Variants in SHROOM2 observed in about 807,000 individuals in gnomAD.
The protein encoded by SHROOM2 is shroom family member 2, also known as protein Shroom2.
Under a neutral mutation model 75.9 loss-of-function variants are expected in SHROOM2, and 33 were observed. The observed-to-expected ratio is 0.43, with a 90% CI of 0.33 to 0.58. The LOEUF (loss-of-function observed/expected upper bound fraction) is 0.58, where lower values mean the gene tolerates loss of function less well. Ranked by LOEUF, SHROOM2 falls within the 20% of genes least tolerant of loss-of-function variation. The pLI is 0.04. For synonymous variants in SHROOM2, 655 were observed against 663.6 expected (o/e 0.99, Z 0.20); for missense variants, 1,434 against 1,461.2 (o/e 0.98, Z 0.30).
At chrX:9,830,673 C>G (rs1569144266) in intron 1 of SHROOM2, among the ~76,000 whole-genome samples, 1 of 96,622 alleles carries the variant, frequency 1.0e-5, no homozygotes, top group South Asian at 6.2e-4. Context: ...GCGATCTTGG[C>G]TCACCACAAC....
chrX:9,787,992 C>CTTTTTTTTTTTTT, intron 1 of SHROOM2, among the ~76,000 whole-genome samples: 2 of 84,222 alleles, frequency 2.4e-5, no homozygotes, highest in African/African-American at 8.4e-5. Context: ...TTTCTTTCTT[C>CTTTTTTTTTTTTT]TTTTTTTTTT....
At position 9,896,651 on chromosome X, in the gene SHROOM2, G is replaced by A. The variant is rs774612083; in HGVS notation, c.2743G>A (p.Val915Ile). 49 of 1,201,991 alleles carry A rather than the reference G, an allele frequency of 4.1e-5. 1 individual carries two copies. Among genetic ancestry groups the A allele is most frequent in the South Asian group, 2.2e-4 (12 of 55,242 alleles). The change falls in exon 4 of 10, where the codon GTT (valine) becomes ATT (isoleucine). Residue 915 changes from valine (V) to isoleucine (I), a missense_variant. Physicochemically the swap from Val to Ile is conservative, Grantham distance 29 (BLOSUM62 3). This residue lies in a region of SHROOM2 where 1,340 missense variants were observed against 1,338.3 expected (regional missense o/e 1.00). Transcript: ENST00000380913. The part of the protein sequence containing the change: ...SLDPQERPQH[V>I]HGRSRSSPST... Reference sequence around the variant, plus strand: ...GGACCCACAGGAGAGGCCGCAGCACGTTCATGGGAGGTCCCGGTCTTCACC... The same window carrying A: ...GGACCCACAGGAGAGGCCGCAGCACATTCATGGGAGGTCCCGGTCTTCACC...
chrX:9,848,598 C>T (rs1360504126), intron 1 of SHROOM2, among the ~76,000 whole-genome samples: 2 of 106,577 alleles, frequency 1.9e-5, no homozygotes, highest in African/African-American at 6.8e-5. Flanking sequence ...TCTCTTTATA[C>T]GGGGATGTGA....
chrX:9,851,506 A>T (rs1021877380), intron 1 of SHROOM2, among the ~76,000 whole-genome samples: 1 of 84,714 alleles, frequency 1.2e-5, no homozygotes, highest in Non-Finnish European at 2.2e-5. Flanking sequence ...GCTGGAGTGC[A>T]ATGGCGTGAT....
intron 1 of SHROOM2, among the ~76,000 whole-genome samples, chrX:9,864,750 G>A (rs976132380): frequency 9.3e-6 from 1 of 108,048 alleles, no homozygotes; most frequent in African/African-American, 3.3e-5. Flanking sequence ...GCGTGAACCC[G>A]GGAGGCGGAG....
intron 1 of SHROOM2, among the ~76,000 whole-genome samples, chrX:9,799,978 A>C (rs372704494): frequency 1.8e-5 from 2 of 110,992 alleles, no homozygotes; most frequent in East Asian, 2.8e-4. Context: ...TGAATTTCTA[A>C]TCTTGATCAT....
In SHROOM2 at chrX:9,932,622, C is replaced by T; in HGVS notation, c.3339C>T (p.His1113=). The T allele has an allele frequency of 8.3e-7, 1 of 1,211,410 alleles. No individual in the cohort carries two copies. Among genetic ancestry groups the T allele is most frequent in the Non-Finnish European group, 1.1e-6 (1 of 895,167 alleles). Residue 1113 remains histidine (H), a synonymous_variant, in exon 6 of 10, where the codon CAC becomes CAT. Transcript: ENST00000380913. Reference sequence around the variant, plus strand: ...ATGTGGCCCGCCTGTCCCTCTCCCACAGCCCCTCTGTGTTCAGCAGTGCCC... The same window carrying T: ...ATGTGGCCCGCCTGTCCCTCTCCCATAGCCCCTCTGTGTTCAGCAGTGCCC... ...DVYVARLSLS[H]SPSVFSSAQP...
At chrX:9,814,341 C>G (rs1376849687) in intron 1 of SHROOM2, among the ~76,000 whole-genome samples, 1 of 111,928 alleles carries the variant, frequency 8.9e-6, no homozygotes, top group African/African-American at 3.2e-5. Context: ...TCAGCCTGAT[C>G]CAACTCTGTG....
chrX:9,849,255 G>A (rs910858519), intron 1 of SHROOM2, among the ~76,000 whole-genome samples: 3 of 111,825 alleles, frequency 2.7e-5, no homozygotes, highest in Non-Finnish European at 1.9e-5. Context: ...AGCAGGCGCC[G>A]GCTGGCAGGA....
intron 5 of SHROOM2, among the ~76,000 whole-genome samples, chrX:9,916,966 C>A (rs1221835406): frequency 1.8e-5 from 2 of 111,944 alleles, no homozygotes; most frequent in African/African-American, 6.5e-5. Flanking sequence ...TTGGTGGCTA[C>A]TGGCTTCTGT....
At chrX:9,884,061 C>T (rs141218958) in intron 2 of SHROOM2, among the ~76,000 whole-genome samples, 1,974 of 111,787 alleles carry the variant, frequency 0.018, 52 homozygotes, top group African/African-American at 0.061. Flanking sequence ...TCCCACAAAA[C>T]GTTCCTCAGC....
chrX:9,842,841 T>C (rs2083986498), intron 1 of SHROOM2, among the ~76,000 whole-genome samples: 1 of 111,367 alleles, frequency 9.0e-6, no homozygotes, highest in Non-Finnish European at 1.9e-5. Flanking sequence ...CCTCCCCTCT[T>C]GCTTGGGGTT....
chrX:9,926,172 G>A (rs1381631267), intron 5 of SHROOM2, among the ~76,000 whole-genome samples: 2 of 111,904 alleles, frequency 1.8e-5, no homozygotes, highest in Non-Finnish European at 3.8e-5. Context: ...TGATCAGCTT[G>A]TACAGGAGAG....
intron 1 of SHROOM2, among the ~76,000 whole-genome samples, chrX:9,856,749 A>T (rs2084072637): frequency 8.9e-6 from 1 of 111,802 alleles, no homozygotes; most frequent in East Asian, 2.8e-4. Context: ...GTTGCATGGT[A>T]GCTGCTGCAT....
At chrX:9,927,144 T>A (rs1400859170) in intron 5 of SHROOM2, among the ~76,000 whole-genome samples, 1 of 108,927 alleles carries the variant, frequency 9.2e-6, no homozygotes, top group Non-Finnish European at 1.9e-5. Flanking sequence ...AGCCCAGGAG[T>A]TTGAGGCCAG....
chrX:9,807,639 C>G (rs753204985), intron 1 of SHROOM2, among the ~76,000 whole-genome samples: 3 of 112,402 alleles, frequency 2.7e-5, no homozygotes, highest in Non-Finnish European at 5.6e-5. Context: ...AAAAAGCTGT[C>G]CATGCCCCAA....
At position 9,926,763 on chromosome X, in the gene SHROOM2, T is replaced by C. The variant is rs758231287; in HGVS notation, c.2892-5412T>C. On this transcript the variant is annotated intron_variant, in intron 5 of 9. Coordinates refer to ENST00000380913, the MANE Select transcript of SHROOM2 (RefSeq NM_001649.4). Reference sequence around the variant, plus strand: ...GCACAAAATTATTAAGCATATTGTATAAAATTACCTTCAGGCTATCTATAT... The same window carrying C: ...GCACAAAATTATTAAGCATATTGTACAAAATTACCTTCAGGCTATCTATAT... 2.7e-5 allele frequency among the ~76,000 whole-genome samples: 3 copies of C among 111,237 alleles called. No individual in the cohort carries two copies. In the South Asian group the frequency reaches 1.2e-3, roughly 43 times the overall value.
At chrX:9,904,356 C>CA (rs201683030) in intron 5 of SHROOM2, among the ~76,000 whole-genome samples, 3 of 111,457 alleles carry the variant, frequency 2.7e-5, no homozygotes, top group Non-Finnish European at 3.8e-5. Flanking sequence ...TCTATCTCTA[C>CA]AAAAAATACA....
chrX:9,805,956 G>C (rs1439627092), intron 1 of SHROOM2, among the ~76,000 whole-genome samples: 2 of 108,829 alleles, frequency 1.8e-5, no homozygotes, highest in African/African-American at 6.7e-5. Flanking sequence ...AGGTGATTAG[G>C]AATGGGGTCA....
Sources: allele counts gnomAD v4.1 joint callset (sites outside exome capture counted in the v4.1 genomes callset), GRCh38; gene constraint gnomAD v4.1.1; regional missense constraint gnomAD v4.1.1; transcripts MANE v1.5; gene names NCBI Gene and HGNC (gene_info 2026-07-23, HGNC 2026-07-21).